HEMK2: variants seen among roughly 807,000 people sequenced by gnomAD.
HEMK2 encodes the protein HemK methyltransferase 2, ETF1 glutamine and histone H4 lysine.
chr21:28,649,079 T>A, the HEMK2 span, among the ~76,000 whole-genome samples: 29,404 of 151,906 alleles, frequency 0.19, 3,052 homozygotes, highest in East Asian at 0.38. Context: ...AATGATGGTT[T>A]CCAGTTTCAT....
At chr21:28,821,006 C>T in the HEMK2 span, among the ~76,000 whole-genome samples, 4 of 152,328 alleles carry the variant, frequency 2.6e-5, no homozygotes, top group African/African-American at 9.6e-5. Flanking sequence ...CCTCTTCTTA[C>T]TTTTCCATAA....
At chr21:28,624,884 C>G in the HEMK2 span, among the ~76,000 whole-genome samples, 2 of 152,170 alleles carry the variant, frequency 1.3e-5, no homozygotes, top group Non-Finnish European at 1.5e-5. Context: ...CAGACCTAGG[C>G]CTAGGCGAGG....
At chr21:28,690,286 T>C in the HEMK2 span, among the ~76,000 whole-genome samples, 32 of 152,234 alleles carry the variant, frequency 2.1e-4, no homozygotes, top group African/African-American at 7.5e-4. Flanking sequence ...AGCTCCTAGA[T>C]AATAGCCATC....
the HEMK2 span, among the ~76,000 whole-genome samples, chr21:28,711,623 T>A: frequency 6.6e-6 from 1 of 152,270 alleles, no homozygotes; most frequent in Non-Finnish European, 1.5e-5. Flanking sequence ...TTAATTCAAG[T>A]CTGTCTGTGA....
the HEMK2 span, among the ~76,000 whole-genome samples, chr21:28,736,881 G>A: frequency 1.3e-5 from 2 of 151,862 alleles, no homozygotes; most frequent in African/African-American, 2.4e-5. Flanking sequence ...TGACAGTTAC[G>A]TGTCCTTTCA....
the HEMK2 span, among the ~76,000 whole-genome samples, chr21:28,741,059 C>CT: frequency 6.6e-6 from 1 of 152,166 alleles, no homozygotes; most frequent in African/African-American, 2.4e-5. Flanking sequence ...TCCAAGATAA[C>CT]TGAAGAGCAT....
the HEMK2 span, among the ~76,000 whole-genome samples, chr21:28,720,760 T>A: frequency 6.6e-6 from 1 of 151,936 alleles, no homozygotes; most frequent in South Asian, 2.1e-4. Context: ...AGGGCCTGGA[T>A]GGAGGTTTTG....
the HEMK2 span, among the ~76,000 whole-genome samples, chr21:28,696,523 C>T: frequency 2.0e-5 from 3 of 152,112 alleles, no homozygotes; most frequent in Admixed American, 2.0e-4. Context: ...CCTCTCCTGG[C>T]TACTTTCATG....
At chr21:28,817,439 T>C in the HEMK2 span, among the ~76,000 whole-genome samples, 1 of 152,190 alleles carries the variant, frequency 6.6e-6, no homozygotes, top group South Asian at 2.1e-4. Context: ...TTTTATTTAA[T>C]TACCTTTTAT....
the HEMK2 span, among the ~76,000 whole-genome samples, chr21:28,788,825 T>A: frequency 3.3e-5 from 5 of 151,982 alleles, no homozygotes; most frequent in Non-Finnish European, 7.4e-5. Flanking sequence ...TCAGTTAAGA[T>A]GAGATCATAC....
the HEMK2 span, among the ~76,000 whole-genome samples, chr21:28,684,380 C>A: frequency 6.6e-6 from 1 of 152,034 alleles, no homozygotes; most frequent in Non-Finnish European, 1.5e-5. Flanking sequence ...TCCAAATGCA[C>A]TAGGCTAAAC....
the HEMK2 span, among the ~76,000 whole-genome samples, chr21:28,812,605 G>C: frequency 2.6e-5 from 4 of 152,094 alleles, no homozygotes; most frequent in African/African-American, 9.7e-5. Flanking sequence ...ATTTTGTTTT[G>C]GTTGTGTCTC....
chr21:28,659,274 G>A, the HEMK2 span, among the ~76,000 whole-genome samples: 2 of 152,048 alleles, frequency 1.3e-5, no homozygotes, highest in African/African-American at 4.8e-5. Flanking sequence ...ATAACCCACT[G>A]CAAGCGCTTC....
At chr21:28,608,139 T>C in the HEMK2 span, among the ~76,000 whole-genome samples, 1 of 151,994 alleles carries the variant, frequency 6.6e-6, no homozygotes, top group African/African-American at 2.4e-5. Context: ...GAAATGAAAA[T>C]ATCTAGTATT....
chr21:28,781,406 G>A, the HEMK2 span, among the ~76,000 whole-genome samples: 3 of 152,046 alleles, frequency 2.0e-5, no homozygotes, highest in Admixed American at 1.3e-4. Context: ...TACCCATGAC[G>A]CCATGCCAGA....
the HEMK2 span, among the ~76,000 whole-genome samples, chr21:28,839,439 T>C: frequency 1.2e-3 from 186 of 152,266 alleles, no homozygotes; most frequent in Non-Finnish European, 2.1e-3. Flanking sequence ...CTGTCACTGA[T>C]TGCTAACAAT....
chr21:28,660,898 A>T, the HEMK2 span, among the ~76,000 whole-genome samples: 1 of 152,234 alleles, frequency 6.6e-6, no homozygotes, highest in South Asian at 2.1e-4. Context: ...AAGTATTCAA[A>T]TATGAACCAA....
chr21:28,863,461 T>C, the HEMK2 span, among the ~76,000 whole-genome samples: 393 of 82,930 alleles, frequency 4.7e-3, 13 homozygotes, highest in African/African-American at 0.019. Context: ...TATATATATA[T>C]ATATATATAC....
At chr21:28,721,466 T>C in the HEMK2 span, among the ~76,000 whole-genome samples, 1 of 152,200 alleles carries the variant, frequency 6.6e-6, no homozygotes, top group Non-Finnish European at 1.5e-5. Flanking sequence ...ATAATAGGCA[T>C]TAAAAGTATT....
Sources: gnomAD v4.1 joint callset for allele counts (sites outside exome capture counted in the v4.1 genomes callset) on GRCh38, gnomAD v4.1.1 for gene constraint, MANE v1.5 for transcripts, NCBI Gene and HGNC (gene_info 2026-07-23, HGNC 2026-07-21) for gene names.